Variants in FCHSD2 observed in about 807,000 individuals in gnomAD.
FCHSD2 encodes the protein FCH and double SH3 domains 2, also known as F-BAR and double SH3 domains protein 2.
FCHSD2 carries 38 observed loss-of-function variants against 108.1 expected under a neutral mutation model. The ratio of observed to expected loss-of-function variants is 0.35; its 90% CI spans 0.27 to 0.46. FCHSD2 has a LOEUF of 0.46. Ranked by LOEUF, FCHSD2 falls within the 20% of genes least tolerant of loss-of-function variation. FCHSD2 has a pLI of 1.00. For synonymous variants in FCHSD2, 279 were observed against 314.7 expected (o/e 0.89, Z 1.20); for missense variants, 751 against 897.8 (o/e 0.84, Z 2.09).
At chr11:72,901,454 G>C (rs1855524884) in intron 10 of FCHSD2, among the ~76,000 whole-genome samples, 1 of 151,998 alleles carries the variant, frequency 6.6e-6, no homozygotes, top group South Asian at 2.1e-4. Flanking sequence ...AAAATTGCCA[G>C]TTGGAATCTA....
Position 72,842,750 on chromosome 11 carries a change from T to C in FCHSD2, c.1797A>G (p.Lys599=), listed in dbSNP as rs200391084. 1.1e-4 allele frequency: 175 copies of C among 1,613,918 alleles called. No homozygotes were observed. The highest frequency in any genetic ancestry group is 1.5e-4 in the Non-Finnish European group (172 of 1,179,904). Residue 599 remains lysine, a synonymous_variant, in exon 17 of 20, where the codon AAA becomes AAG. Coordinates refer to ENST00000409418, the MANE Select transcript of FCHSD2 (RefSeq NM_014824.3). ...AGAAGCCATCATCATCTTGGTTTTCTTTGTTCAAGATACGGATTATTGCTC... is the reference window on the plus strand; with the variant it reads ...AGAAGCCATCATCATCTTGGTTTTCCTTGTTCAAGATACGGATTATTGCTC... ...PEGAIIRILN[K]ENQDDDGFWE...
intron 3 of FCHSD2, among the ~76,000 whole-genome samples, chr11:73,061,119 T>C (rs1859150044): frequency 6.6e-6 from 1 of 152,188 alleles, no homozygotes; most frequent in South Asian, 2.1e-4. Context: ...ACCTGGTTCA[T>C]CTCATTGGGA....
chr11:73,030,502 C>T (rs1858333714), intron 3 of FCHSD2, among the ~76,000 whole-genome samples: 1 of 152,114 alleles, frequency 6.6e-6, no homozygotes, highest in Non-Finnish European at 1.5e-5. Context: ...CTCCAGAGCC[C>T]TAAACACAGA....
intron 3 of FCHSD2, among the ~76,000 whole-genome samples, chr11:73,042,238 A>C (rs574250747): frequency 6.6e-6 from 1 of 150,934 alleles, no homozygotes; most frequent in South Asian, 2.1e-4. Flanking sequence ...ATTATTTTTA[A>C]ACTCTGGTGA....
At chr11:73,135,412 G>A (rs1218838944) in intron 2 of FCHSD2, among the ~76,000 whole-genome samples, 2 of 152,014 alleles carry the variant, frequency 1.3e-5, no homozygotes, top group African/African-American at 4.8e-5. Flanking sequence ...CCATATTATA[G>A]ACCTCCTTAA....
At chr11:73,056,080 C>T (rs1287412297) in intron 3 of FCHSD2, among the ~76,000 whole-genome samples, 1 of 152,132 alleles carries the variant, frequency 6.6e-6, no homozygotes, top group African/African-American at 2.4e-5. Context: ...TAAACTCATT[C>T]TCTCAGTTCA....
intron 3 of FCHSD2, among the ~76,000 whole-genome samples, chr11:73,071,199 T>A (rs1859427496): frequency 6.6e-6 from 1 of 152,170 alleles, no homozygotes; most frequent in Non-Finnish European, 1.5e-5. Flanking sequence ...ATCTCTCTAC[T>A]CCCTCTTCCT....
At chr11:73,033,954 T>G (rs1424194414) in intron 3 of FCHSD2, among the ~76,000 whole-genome samples, 2 of 152,190 alleles carry the variant, frequency 1.3e-5, no homozygotes, top group African/African-American at 4.8e-5. Context: ...TTAAAGAAAT[T>G]TTATTTATCA....
At position 72,887,590 on chromosome 11, in the gene FCHSD2, G is replaced by C; in HGVS notation, c.1042-16C>G. On this transcript the variant is annotated splice_polypyrimidine_tract_variant and intron_variant, in intron 11 of 19. Coordinates refer to ENST00000409418, the MANE Select transcript of FCHSD2 (RefSeq NM_014824.3). ...CATTTAGAACCTATTAAAGAAAATG[G>C]GACAATAATGATGACTGTTTTTTAC... is the stretch of plus-strand genomic sequence containing the variant. 7.0e-7 allele frequency: 1 copy of C among 1,436,802 alleles called. No individual in the cohort carries two copies. Among genetic ancestry groups the C allele is most frequent in the African/African-American group, 1.5e-5 (1 of 67,976 alleles). The allele number at this position is 1,436,802 out of a possible 1,614,324, so 89.0% of individuals were successfully genotyped here.
chr11:72,972,363 G>C (rs1857023376), intron 8 of FCHSD2, among the ~76,000 whole-genome samples: 1 of 152,128 alleles, frequency 6.6e-6, no homozygotes, highest in Non-Finnish European at 1.5e-5. Flanking sequence ...TTGGTAGTTG[G>C]AAAATCCTGT....
chr11:73,054,523 T>C (rs986191044), intron 3 of FCHSD2, among the ~76,000 whole-genome samples: 4 of 151,744 alleles, frequency 2.6e-5, no homozygotes, highest in Admixed American at 2.6e-4. Context: ...CGAAGTATAG[T>C]CTGATCCAGA....
At chr11:72,917,697 C>CG in intron 9 of FCHSD2, among the ~76,000 whole-genome samples, 1 of 152,150 alleles carries the variant, frequency 6.6e-6, no homozygotes, top group African/African-American at 2.4e-5. Context: ...ACTAGCCTGG[C>CG]TAACATGACG....
At chr11:72,839,363 A>T (rs1230513625) in intron 19 of FCHSD2, among the ~76,000 whole-genome samples, 1 of 152,208 alleles carries the variant, frequency 6.6e-6, no homozygotes, top group Non-Finnish European at 1.5e-5. Context: ...TTTTTGGTGG[A>T]TTTTAAGCAA....
chr11:73,074,761 A>G (rs919228516), intron 3 of FCHSD2, among the ~76,000 whole-genome samples: 2 of 152,158 alleles, frequency 1.3e-5, no homozygotes, highest in African/African-American at 4.8e-5. Context: ...GAGATAGTAA[A>G]ACTGGCCAGG....
chr11:72,973,761 T>A (rs910459913), intron 8 of FCHSD2, among the ~76,000 whole-genome samples: 1 of 152,258 alleles, frequency 6.6e-6, no homozygotes, highest in Non-Finnish European at 1.5e-5. Context: ...TAAAGTTCTA[T>A]ACCAAGGGTG....
chr11:72,870,886 C>T (rs1056809234), intron 12 of FCHSD2, among the ~76,000 whole-genome samples: 19 of 96,340 alleles, frequency 2.0e-4, no homozygotes, highest in African/African-American at 7.5e-4. Context: ...GGTGACAGTG[C>T]GAGACTCCGT....
intron 3 of FCHSD2, among the ~76,000 whole-genome samples, chr11:73,065,674 A>C (rs1859273892): frequency 6.6e-6 from 1 of 152,220 alleles, no homozygotes; most frequent in South Asian, 2.1e-4. Flanking sequence ...GGATCCAAAA[A>C]ATCAATGTGC....
chr11:72,954,112 G>A (rs1856666873), intron 8 of FCHSD2, among the ~76,000 whole-genome samples: 1 of 151,264 alleles, frequency 6.6e-6, no homozygotes, highest in Non-Finnish European at 1.5e-5. Context: ...GGAGTAGAAA[G>A]CCAATTAGAA....
intron 5 of FCHSD2, among the ~76,000 whole-genome samples, chr11:72,993,113 C>A (rs1319812022): frequency 6.6e-6 from 1 of 152,128 alleles, no homozygotes; most frequent in Non-Finnish European, 1.5e-5. Context: ...TGAACAGACA[C>A]TTCTCAAAAG....
Sources: gnomAD v4.1 joint callset for allele counts (sites outside exome capture counted in the v4.1 genomes callset) on GRCh38, gnomAD v4.1.1 for gene constraint, MANE v1.5 for transcripts, NCBI Gene and HGNC (gene_info 2026-07-23, HGNC 2026-07-21) for gene names.